Variants in TBRG4 observed in about 807,000 individuals in gnomAD.
TBRG4 encodes FAST kinase domain-containing protein 4.
Under a neutral mutation model 65.6 loss-of-function variants are expected in TBRG4, and 43 were observed. The observed-to-expected ratio is 0.66, with a 90% confidence interval of 0.51 to 0.85. The LOEUF (loss-of-function observed/expected upper bound fraction) is 0.85. Among genes scored for constraint, TBRG4 ranks in the 40% least tolerant of loss-of-function variants. The probability of loss-of-function intolerance (pLI) is 0.00; values close to 1 mark genes in which losing one functional copy is unlikely to be tolerated. For missense variants in TBRG4, 709 were observed against 787.9 expected, an observed-to-expected ratio of 0.90 and a Z score of 1.20; for synonymous variants, 366 against 341.4, an observed-to-expected ratio of 1.07 and a Z score of -0.79.
chr7:45,102,724 G>A (rs1784808947), intron 6 of TBRG4: 1 of 559,768 alleles, frequency 1.8e-6, no homozygotes, highest in Non-Finnish European at 3.1e-6. Context: ...CAGCAGAAGA[G>A]TGCTGCTGAA....
At chr7:45,105,847 T>C (rs1225226820) in intron 2 of TBRG4, 83 bp from the exon 3 acceptor site, 28 of 1,439,446 alleles carry the variant, frequency 1.9e-5, no homozygotes, top group Non-Finnish European at 2.5e-5. Flanking sequence ...CTGAACCTTG[T>C]TTCATGAGCA....
At position 45,101,910 on chromosome 7, in the gene TBRG4, C is replaced by T; in HGVS notation, c.1482G>A (p.Lys494=). Residue 494 remains lysine (K), a synonymous_variant, in exon 8 of 11, where the codon AAG becomes AAA. Transcript: ENST00000258770. Reference sequence around the variant, plus strand: ...GCCCCTTCAGCGTCTCCTGCAGCTCCTTTTGCAGGGGGGTCACCTTCCTGT... The same window carrying T: ...GCCCCTTCAGCGTCTCCTGCAGCTCTTTTTGCAGGGGGGTCACCTTCCTGT... ...ALDRKVTPLQ[K]ELQETLKGLL... is the part of the protein sequence containing the mutation. The T allele has an allele frequency of 1.9e-6, 3 of 1,611,266 alleles. No homozygotes were observed. The highest frequency in any genetic ancestry group is 2.5e-6 in the Non-Finnish European group (3 of 1,179,124).
intron 10 of TBRG4, 44 bp downstream of exon 10, chr7:45,101,214 G>A (rs1034074395): frequency 1.3e-5 from 21 of 1,579,186 alleles, no homozygotes; most frequent in African/African-American, 5.4e-5. Context: ...GCGTGGGTTG[G>A]GGATTCTCCC....
chr7:45,110,024 T>C (rs1785081764), intron 1 of TBRG4, among the ~76,000 whole-genome samples: 1 of 151,636 alleles, frequency 6.6e-6, no homozygotes, highest in Admixed American at 6.6e-5. Context: ...GGATATATTT[T>C]AACACTGTAG....
In TBRG4 at chr7:45,104,548, G is replaced by C. The variant is rs1361792986; in HGVS notation, c.897C>G (p.Ala299=). Residue 299 remains alanine (A), a synonymous_variant, in exon 4 of 11, where the codon GCC becomes GCG. Coordinates refer to ENST00000258770, the MANE Select transcript of TBRG4 (RefSeq NM_004749.4). The part of the protein sequence containing the change: ...SLTKDVLLDV[A]YAYGKLSFHQ... ...GTCCAAAGGGCTCACCATAGGCATA[G>C]GCCACGTCCAAGAGCACATCTTTCG... 6.2e-7 allele frequency: 1 copy of C among 1,613,986 alleles called. No individual in the cohort carries two copies. Among genetic ancestry groups the C allele is most frequent in the Non-Finnish European group, 8.5e-7 (1 of 1,180,046 alleles).
rs112475532 is a variant in TBRG4, at chr7:45,111,640, T to G, written c.-51+3A>C. The G allele has an allele frequency of 4.0e-5, 52 of 1,289,394 alleles. 1 individual carries two copies. In the South Asian group the frequency reaches 4.9e-4, roughly 12 times the overall value. 79.9% of individuals were successfully genotyped at this position (1,289,394 alleles called of 1,614,324 possible). ...CCCCTTCTCCCCGTGCCACAAGACC[T>G]ACGCAGCGAGCACCACCGCTGACCT... On this transcript the variant is annotated splice_donor_region_variant and intron_variant, in intron 1 of 10. Coordinates refer to ENST00000258770, the MANE Select transcript of TBRG4 (RefSeq NM_004749.4).
chr7:45,103,783 AG>A (rs1784845603), intron 5 of TBRG4: 1 of 517,724 alleles, frequency 1.9e-6, no homozygotes, highest in African/African-American at 1.9e-5. Flanking sequence ...CCACTTTGCG[AG>A]GGGGATCAGT....
chr7:45,103,365 G>A lies in TBRG4; in HGVS notation c.1144C>T (p.His382Tyr), dbSNP rs866174171. The change falls in exon 6 of 11, where the codon CAT (histidine) becomes TAT (tyrosine). Residue 382 changes from histidine (H) to tyrosine (Y), a missense_variant. Coordinates refer to ENST00000258770, the MANE Select transcript of TBRG4 (RefSeq NM_004749.4). The part of the protein sequence containing the change: ...VLLAFARLNF[H>Y]PDQEDQFFSL... ...AAGAACTGATCCTCTTGGTCTGGAT[G>A]GAAGTTCAGACGCGCAAAAGCCAGA... is the stretch of plus-strand genomic sequence containing the variant. 9.9e-6 allele frequency: 16 copies of A among 1,613,796 alleles called. No individual in the cohort carries two copies. The highest frequency in any genetic ancestry group is 2.2e-5 in the East Asian group (1 of 44,888).
chr7:45,105,922 C>T (rs927353020), intron 2 of TBRG4, 158 bp from the exon 3 acceptor site: 5 of 957,822 alleles, frequency 5.2e-6, no homozygotes, highest in Non-Finnish European at 8.3e-6. Context: ...GGCCCCAGTG[C>T]CTGGCTGCTC....
rs1482240095 is a variant in TBRG4 at position 45,105,779 on chromosome 7, G to GA, written c.412-16dup. ...ACCGAGGCAATCTAGGCAGAGAAAG[G>GA]ACACAGGAGAAATGATGTGGCACTG... On this transcript the variant is annotated splice_polypyrimidine_tract_variant and intron_variant, in intron 2 of 10. Coordinates refer to ENST00000258770, the MANE Select transcript of TBRG4 (RefSeq NM_004749.4). 2.5e-6 allele frequency: 4 copies of GA among 1,591,036 alleles called. No homozygotes were observed. The Admixed American group carries it at 6.8e-5, about 27-fold the overall frequency.
At position 45,108,851 on chromosome 7, in the gene TBRG4, T is replaced by G. The variant is rs1433298911; in HGVS notation, c.387A>C (p.Gln129His). ...CCTGACTGTTGAGCAGACAGAGAAGTTGATGAAAGTGGGCATCCTGTATGA... is the reference window on the plus strand; with the variant it reads ...CCTGACTGTTGAGCAGACAGAGAAGGTGATGAAAGTGGGCATCCTGTATGA... The part of the protein sequence containing the change: ...GLLIQDAHFH[Q>H]LLCLLNSQIA... Residue 129 changes from glutamine to histidine, a missense_variant, in exon 2 of 11, where the codon CAA becomes CAC. Transcript: ENST00000258770. 1.9e-6 allele frequency: 3 copies of G among 1,541,834 alleles called. No individual in the cohort carries two copies. The highest frequency in any genetic ancestry group is 2.8e-5 in the African/African-American group (2 of 72,440).
At chr7:45,102,235 C>T (rs774022618) in intron 7 of TBRG4, 112 bp downstream of exon 7, 21 of 1,554,480 alleles carry the variant, frequency 1.4e-5, no homozygotes, top group Middle Eastern at 1.7e-4. Context: ...GGATGGAGAG[C>T]GAGGGGGAGG....
chr7:45,101,758 T>G, intron 8 of TBRG4, 67 bp downstream of exon 8: 1 of 1,597,894 alleles, frequency 6.3e-7, no homozygotes, highest in Non-Finnish European at 8.5e-7. Flanking sequence ...GCAGACGGGG[T>G]GGGTTAGAAG....
chr7:45,111,646 G>A lies in TBRG4; in HGVS notation c.-54C>T, dbSNP rs756870806. The A allele has an allele frequency of 7.8e-7, 1 of 1,289,466 alleles. No individual in the cohort carries two copies. Among genetic ancestry groups the A allele is most frequent in the African/African-American group, 1.5e-5 (1 of 65,984 alleles). 79.9% of individuals were successfully genotyped at this position (1,289,466 alleles called of 1,614,324 possible). On this transcript the variant is annotated 5_prime_UTR_variant, in exon 1 of 11. Coordinates refer to ENST00000258770, the MANE Select transcript of TBRG4 (RefSeq NM_004749.4). ...CTCCCCGTGCCACAAGACCTACGCA[G>A]CGAGCACCACCGCTGACCTCCATCC...
chr7:45,101,386 GA>G lies in TBRG4; in HGVS notation c.1680-15del. The G allele has an allele frequency of 6.2e-7, 1 of 1,613,506 alleles. No homozygotes were observed. Among genetic ancestry groups the G allele is most frequent in the Non-Finnish European group, 8.5e-7 (1 of 1,179,654 alleles). ...AAGAACGCTAGCCTGGAAGGAAGAAGAGGTGGCTGACATGCTTCCACTCTCC... is the reference window on the plus strand; with the variant it reads ...AAGAACGCTAGCCTGGAAGGAAGAAGGGTGGCTGACATGCTTCCACTCTCC... On this transcript the variant is annotated splice_polypyrimidine_tract_variant and intron_variant, in intron 9 of 10. Coordinates refer to ENST00000258770, the MANE Select transcript of TBRG4 (RefSeq NM_004749.4).
chr7:45,109,117 AAGTCAG>A lies in TBRG4; in HGVS notation c.115_120del (p.Leu39_Thr40del). On this transcript the variant is annotated inframe_deletion, in exon 2 of 11. Transcript: ENST00000258770. The stretch of plus-strand genomic sequence containing the variant: ...TGGGAAATGGGTGAGGTGGCTGAGG[AAGTCAG>A]AGTCTTATGGGCTACCCAGGCAAGT... 1 of 1,614,192 alleles carries A rather than the reference AAGTCAG, an allele frequency of 6.2e-7. No homozygotes were observed. Among genetic ancestry groups the A allele is most frequent in the Non-Finnish European group, 8.5e-7 (1 of 1,180,024 alleles).
chr7:45,104,898 A>G (rs201310402), intron 3 of TBRG4, 189 bp from the exon 4 acceptor site: 338 of 938,390 alleles, frequency 3.6e-4, no homozygotes, highest in Middle Eastern at 2.2e-4. Flanking sequence ...GAACCCCTGG[A>G]CCTGGAGCAC....
At position 45,101,924 on chromosome 7, in the gene TBRG4, T is replaced by G. The variant is rs762789433; in HGVS notation, c.1468A>C (p.Thr490Pro). The change falls in exon 8 of 11, where the codon ACC becomes CCC. Residue 490 changes from threonine (T) to proline (P), a missense_variant. Thr to Pro is a conservative substitution (Grantham distance 38). Coordinates refer to ENST00000258770, the MANE Select transcript of TBRG4 (RefSeq NM_004749.4). ...PGPSALDRKV[T>P]PLQKELQETL... ...TCCTGCAGCTCCTTTTGCAGGGGGGTCACCTTCCTGTCAAGGGCTGAGGGC... is the reference window on the plus strand; with the variant it reads ...TCCTGCAGCTCCTTTTGCAGGGGGGGCACCTTCCTGTCAAGGGCTGAGGGC... 6.2e-7 allele frequency: 1 copy of G among 1,610,390 alleles called. No homozygotes were observed. Among genetic ancestry groups the G allele is most frequent in the Non-Finnish European group, 8.5e-7 (1 of 1,178,818 alleles).
In TBRG4 at chr7:45,104,634, G is replaced by A. The variant is rs143689271; in HGVS notation, c.811C>T (p.Arg271Trp). ...VLVMLAAQSR[R>W]SVPLLRAISY... is the part of the protein sequence containing the mutation. ...ATGGCCCGCAGCAAGGGCACGGACC[G>A]CCGGCTCTGAGCTGCCAGCATCACC... Residue 271 changes from arginine (R) to tryptophan (W), a missense_variant, in exon 4 of 11, where the codon CGG becomes TGG. By Grantham distance (101) the Arg-to-Trp change is moderately radical. Transcript: ENST00000258770. 8.1e-6 allele frequency: 13 copies of A among 1,613,798 alleles called. No individual in the cohort carries two copies. Among genetic ancestry groups the A allele is most frequent in the African/African-American group, 5.3e-5 (4 of 74,948 alleles).
Sources: gnomAD v4.1 joint callset for allele counts (sites outside exome capture counted in the v4.1 genomes callset) on GRCh38, gnomAD v4.1.1 for gene constraint, MANE v1.5 for transcripts, NCBI Gene and HGNC (gene_info 2026-07-23, HGNC 2026-07-21) for gene names.